The following CPPED1 variants were observed in gnomAD, a reference collection of about 807,000 sequenced individuals.
CPPED1 encodes calcineurin like phosphoesterase domain containing 1.
CPPED1 carries 28 observed loss-of-function variants against 28.0 expected under a neutral mutation model. That is an observed-to-expected ratio of 1.00 (90% CI 0.74 to 1.37). The LOEUF (loss-of-function observed/expected upper bound fraction) is 1.37, where lower values mean the gene tolerates loss of function less well. CPPED1 is among the 40% of genes most tolerant of loss of function. CPPED1 has a pLI of 0.00. For missense variants in CPPED1, 504 were observed against 416.5 expected (o/e 1.21, Z -1.83); for synonymous variants, 198 against 180.2 (o/e 1.10, Z -0.79).
chr16:12,731,733 T>C (rs1424613613), intron 2 of CPPED1, among the ~76,000 whole-genome samples: 2 of 151,600 alleles, frequency 1.3e-5, no homozygotes, highest in Admixed American at 6.6e-5. Context: ...TCTTTTTTTT[T>C]TTTAAATTGC....
chr16:12,688,447 T>G (rs1435262073), intron 3 of CPPED1, among the ~76,000 whole-genome samples: 1 of 151,522 alleles, frequency 6.6e-6, no homozygotes, highest in Non-Finnish European at 1.5e-5. Flanking sequence ...GTGATTATTC[T>G]CCTGCCTCAG....
intron 3 of CPPED1, among the ~76,000 whole-genome samples, chr16:12,669,894 G>A (rs1377910674): frequency 3.9e-5 from 6 of 152,314 alleles, no homozygotes; most frequent in African/African-American, 1.4e-4. Context: ...TGCAACGATG[G>A]GGTATGGCAA....
intron 3 of CPPED1, among the ~76,000 whole-genome samples, chr16:12,687,596 C>T (rs1490679348): frequency 6.6e-6 from 1 of 152,144 alleles, no homozygotes; most frequent in Non-Finnish European, 1.5e-5. Flanking sequence ...CATGGTGAAA[C>T]CCCATCTCTA....
chr16:12,676,460 A>G (rs980757183), intron 3 of CPPED1, among the ~76,000 whole-genome samples: 6 of 152,216 alleles, frequency 3.9e-5, no homozygotes, highest in Non-Finnish European at 7.3e-5. Flanking sequence ...AAGCCTAATG[A>G]GGACGCTGAC....
At position 12,695,919 on chromosome 16, in the gene CPPED1, G is replaced by C. The variant is rs1346912378; in HGVS notation, c.715+8705C>G. Among the ~76,000 whole-genome samples the C allele has an allele frequency of 4.6e-5, 7 of 152,268 alleles. No individual in the cohort carries two copies. In the East Asian group the frequency reaches 1.4e-3, roughly 29 times the overall value. ...GTCTAAGGTTTTTTCTTTTGAAACA[G>C]GTGTGTGCTTTAAAAAATAAACAAA... On this transcript the variant is annotated intron_variant, in intron 3 of 3. Transcript: ENST00000381774.
chr16:12,727,204 G>T (rs1252127822), intron 2 of CPPED1, among the ~76,000 whole-genome samples: 5 of 152,194 alleles, frequency 3.3e-5, no homozygotes, highest in Non-Finnish European at 7.3e-5. Flanking sequence ...AATGTCTCCA[G>T]TTTAATTATC....
chr16:12,750,679 T>C (rs2080321858), intron 2 of CPPED1, among the ~76,000 whole-genome samples: 1 of 152,142 alleles, frequency 6.6e-6, no homozygotes, highest in Non-Finnish European at 1.5e-5. Flanking sequence ...GAAAAAATGA[T>C]GCTAACAGAG....
intron 2 of CPPED1, among the ~76,000 whole-genome samples, chr16:12,736,841 C>CGGA (rs1028677764): frequency 6.6e-6 from 1 of 152,010 alleles, no homozygotes; most frequent in African/African-American, 2.4e-5. Context: ...CTAAGTGTTA[C>CGGA]GGAGGGAAAC....
chr16:12,696,294 G>C (rs1332166277), intron 3 of CPPED1, among the ~76,000 whole-genome samples: 1 of 152,188 alleles, frequency 6.6e-6, no homozygotes, highest in Non-Finnish European at 1.5e-5. Context: ...CAGCACCCCA[G>C]GGGTGAGAAG....
chr16:12,744,729 C>T (rs1341098642), intron 2 of CPPED1, among the ~76,000 whole-genome samples: 2 of 152,114 alleles, frequency 1.3e-5, no homozygotes, highest in Non-Finnish European at 2.9e-5. Context: ...ACCTGTAATC[C>T]CAGTACTTTG....
intron 2 of CPPED1, among the ~76,000 whole-genome samples, chr16:12,740,344 C>T (rs2080248642): frequency 1.3e-5 from 2 of 150,990 alleles, no homozygotes; most frequent in African/African-American, 4.9e-5. Context: ...ACTCAGGAGG[C>T]TGAGGTGGGA....
chr16:12,728,465 C>T (rs749546382), intron 2 of CPPED1, among the ~76,000 whole-genome samples: 1 of 151,756 alleles, frequency 6.6e-6, no homozygotes, highest in Non-Finnish European at 1.5e-5. Context: ...TGAGATCCCC[C>T]GAGAAAGATT....
In CPPED1 at chr16:12,661,086, G is replaced by A. The variant is rs1427842778; in HGVS notation, c.*3800C>T. 2.0e-5 allele frequency: 3 copies of A among 152,240 alleles called. No individual in the cohort carries two copies. Among genetic ancestry groups the A allele is most frequent in the East Asian group, 3.8e-4 (2 of 5,206 alleles). The allele number at this position is 152,240 out of a possible 1,614,324, so 9.4% of individuals were successfully genotyped here. On this transcript the variant is annotated 3_prime_UTR_variant, in exon 4 of 4. Transcript: ENST00000381774. The stretch of plus-strand genomic sequence containing the variant: ...GCTGTGATCACACCACTGCACTCCA[G>A]CCTGGGTGATAGAGCAAGATTCTGT...
At chr16:12,668,550 ACAACC>A (rs1186349483) in intron 3 of CPPED1, among the ~76,000 whole-genome samples, 1 of 152,248 alleles carries the variant, frequency 6.6e-6, no homozygotes, top group African/African-American at 2.4e-5. Context: ...AAGTGAAAAG[ACAACC>A]CATGGAATGG....
intron 2 of CPPED1, 145 bp downstream of exon 2, chr16:12,781,040 A>C (rs2080527287): frequency 7.6e-6 from 5 of 658,604 alleles, no homozygotes; most frequent in Non-Finnish European, 1.1e-5. Context: ...TCTGATGTTC[A>C]ATGATACTGC....
At chr16:12,699,015 G>A (rs1479995476) in intron 3 of CPPED1, among the ~76,000 whole-genome samples, 1 of 152,134 alleles carries the variant, frequency 6.6e-6, no homozygotes, top group African/African-American at 2.4e-5. Flanking sequence ...TGTTTTTTAA[G>A]ACTGAGCTTC....
Position 12,785,372 on chromosome 16 carries a change from C to A in CPPED1, c.71-3969G>T, listed in dbSNP as rs538440426. ...TCAAGCGATCCTCCTGCCTCAGCCT[C>A]CCAAAGTGCTGGGATTACAGGCATG... On this transcript the variant is annotated intron_variant, in intron 1 of 3. Transcript: ENST00000381774. Among the ~76,000 whole-genome samples the A allele has an allele frequency of 6.6e-5, 10 of 152,204 alleles. No individual in the cohort carries two copies. In the South Asian group the frequency reaches 2.1e-3, roughly 32 times the overall value.
At position 12,664,587 on chromosome 16, in the gene CPPED1, C is replaced by A; in HGVS notation, c.*299G>T. On this transcript the variant is annotated 3_prime_UTR_variant, in exon 4 of 4. Transcript: ENST00000381774. The surrounding 1 kb of genome is among the most constrained non-coding windows in gnomAD (Gnocchi z 4.2). ...ATGCTAACCAGAATACAATCCAATT[C>A]AAAAGTGGAGTTGAGAAACACAGCA... 1 of 1,190,662 alleles carries A rather than the reference C, an allele frequency of 8.4e-7. No homozygotes were observed. The highest frequency in any genetic ancestry group is 1.0e-6 in the Non-Finnish European group (1 of 960,400). 73.8% of individuals were successfully genotyped at this position (1,190,662 alleles called of 1,614,324 possible).
chr16:12,756,354 G>A (rs13333158), intron 2 of CPPED1, among the ~76,000 whole-genome samples: 1 of 152,112 alleles, frequency 6.6e-6, no homozygotes, highest in South Asian at 2.1e-4. Flanking sequence ...ATCTCACGTG[G>A]GCAGTTCCAC....
Sources: allele counts gnomAD v4.1 joint callset (sites outside exome capture counted in the v4.1 genomes callset), GRCh38; gene constraint gnomAD v4.1.1; non-coding constraint Gnocchi (gnomAD v3.1); transcripts MANE v1.5; gene names NCBI Gene and HGNC (gene_info 2026-07-23, HGNC 2026-07-21).